Variants in ERBB4 observed in about 807,000 individuals in gnomAD.
ERBB4 encodes the protein receptor tyrosine-protein kinase erbB-4.
Under a neutral mutation model 158.0 loss-of-function variants are expected in ERBB4, and 42 were observed. The ratio of observed to expected loss-of-function variants is 0.27; its 90% confidence interval spans 0.21 to 0.34. ERBB4 has a LOEUF of 0.34. Ranked by LOEUF, ERBB4 falls within the 10% of genes least tolerant of loss-of-function variation. The probability of loss-of-function intolerance (pLI) is 1.00; values close to 1 mark genes in which losing one functional copy is unlikely to be tolerated. For missense variants in ERBB4, 1,333 were observed against 1,624.1 expected (o/e 0.82, Z 3.08); for synonymous variants, 583 against 558.7 (o/e 1.04, Z -0.61).
intron 11 of ERBB4, among the ~76,000 whole-genome samples, chr2:211,702,827 ACT>A (rs1559435689): frequency 6.6e-6 from 1 of 152,126 alleles, no homozygotes; most frequent in Non-Finnish European, 1.5e-5. Context: ...CACATCATGC[ACT>A]CCATACTTGC....
At position 211,396,380 on chromosome 2, in the gene ERBB4, T is replaced by TA. The variant is rs373379597; in HGVS notation, c.3136-8389dup. ...TTATCAACAAATGAGTGATGTTCAC[T>TA]AAAAAAAAACCATGTATAAGAGTTC... On this transcript the variant is annotated intron_variant, in intron 25 of 27. Coordinates refer to ENST00000342788, the MANE Select transcript of ERBB4 (RefSeq NM_005235.3). Among the ~76,000 whole-genome samples, 239 of 151,178 alleles carry TA rather than the reference T, an allele frequency of 1.6e-3. 1 individual carries two copies. Among genetic ancestry groups the TA allele is most frequent in the African/African-American group, 4.9e-3 (202 of 41,274 alleles).
rs1003464899 is a variant in ERBB4, at chr2:212,436,023, A to G, written c.82+102426T>C. The stretch of plus-strand genomic sequence containing the variant: ...CCTCAATGAATAGAAAATTCAGTAC[A>G]TGGCCCAAGACAACAGAGTAATTAT... On this transcript the variant is annotated intron_variant, in intron 1 of 27. Transcript: ENST00000342788. Among the ~76,000 whole-genome samples the G allele has an allele frequency of 4.6e-5, 7 of 152,084 alleles. No individual in the cohort carries two copies. The East Asian group carries it at 1.2e-3, about 25-fold the overall frequency.
At chr2:211,713,943 T>C (rs1345670878) in intron 7 of ERBB4, among the ~76,000 whole-genome samples, 2 of 152,172 alleles carry the variant, frequency 1.3e-5, no homozygotes, top group Non-Finnish European at 2.9e-5. Flanking sequence ...ACATTTAGCT[T>C]GTGTGTGTCA....
chr2:212,469,449 G>A (rs1013477168), intron 1 of ERBB4, among the ~76,000 whole-genome samples: 1 of 152,074 alleles, frequency 6.6e-6, no homozygotes, highest in Non-Finnish European at 1.5e-5. Context: ...TGATAATGAT[G>A]CATCTGCTAC....
intron 12 of ERBB4, among the ~76,000 whole-genome samples, chr2:211,685,346 A>G (rs1161015076): frequency 6.6e-6 from 1 of 152,162 alleles, no homozygotes; most frequent in Non-Finnish European, 1.5e-5. Context: ...TATTTGCTCT[A>G]TAGATGTTCA....
chr2:211,913,140 TG>T (rs1438678530), intron 3 of ERBB4, among the ~76,000 whole-genome samples: 4 of 152,184 alleles, frequency 2.6e-5, no homozygotes, highest in African/African-American at 9.6e-5. Flanking sequence ...TTAATCAATC[TG>T]CCTCTTGTCA....
At chr2:211,933,835 A>C (rs2080240152) in intron 3 of ERBB4, among the ~76,000 whole-genome samples, 1 of 152,044 alleles carries the variant, frequency 6.6e-6, no homozygotes, top group South Asian at 2.1e-4. Flanking sequence ...ATAGAAGAAT[A>C]GATTAAGAGA....
intron 20 of ERBB4, among the ~76,000 whole-genome samples, chr2:211,515,912 A>ATTTTTT (rs1553555083): frequency 1.1e-4 from 9 of 78,978 alleles, no homozygotes; most frequent in African/African-American, 2.3e-4. Flanking sequence ...ATATATATAT[A>ATTTTTT]TTTTTTTTTT....
At position 211,887,253 on chromosome 2, in the gene ERBB4, TACAC is replaced by T. The variant is rs112197898; in HGVS notation, c.421+60173_421+60176del. On this transcript the variant is annotated intron_variant, in intron 3 of 27. Coordinates refer to ENST00000342788, the MANE Select transcript of ERBB4 (RefSeq NM_005235.3). Reference sequence around the variant, plus strand: ...ACAGAGTTGAAAGATAACAGAGGATTACACACACACACACACACACACACACAGG... The same window carrying T: ...ACAGAGTTGAAAGATAACAGAGGATTACACACACACACACACACACACAGG... Among the ~76,000 whole-genome samples the T allele has an allele frequency of 3.6e-3, 526 of 145,368 alleles. 4 individuals are homozygous for T. Among genetic ancestry groups the T allele is most frequent in the African/African-American group, 0.012 (471 of 39,820 alleles).
Position 211,822,604 on chromosome 2 carries a change from A to G in ERBB4, c.422-34445T>C, listed in dbSNP as rs183924965. 3.3e-5 allele frequency among the ~76,000 whole-genome samples: 5 copies of G among 152,172 alleles called. No individual in the cohort carries two copies. The East Asian group carries it at 5.8e-4, about 18-fold the overall frequency. ...CCATAGAAAGAAAATTACATGCACA[A>G]GGATGTACACTGCTGTATTACATAA... On this transcript the variant is annotated intron_variant, in intron 3 of 27. Transcript: ENST00000342788.
chr2:212,161,224 C>A (rs1379700416), intron 1 of ERBB4, among the ~76,000 whole-genome samples: 1 of 151,932 alleles, frequency 6.6e-6, no homozygotes, highest in Admixed American at 6.6e-5. Flanking sequence ...CTCTTTCACT[C>A]ATCTATCCTC....
In ERBB4 at chr2:211,630,449, A is replaced by G; in HGVS notation, c.2079+13T>C. 6.2e-7 allele frequency: 1 copy of G among 1,613,016 alleles called. No individual in the cohort carries two copies. The highest frequency in any genetic ancestry group is 1.1e-5 in the South Asian group (1 of 91,054). On this transcript the variant is annotated intron_variant, in intron 17 of 27. Transcript: ENST00000342788. ...ATCCCCAAACACATGAAGAGGAGAA[A>G]GAAATACCTCACCTCTGTTTCCAAG...
At chr2:212,119,405 T>G (rs1286296279) in intron 2 of ERBB4, among the ~76,000 whole-genome samples, 1 of 152,110 alleles carries the variant, frequency 6.6e-6, no homozygotes, top group Admixed American at 6.5e-5. Context: ...AGTTATTAAG[T>G]GCCAGCAGTA....
At chr2:211,777,432 T>C (rs1412406203) in intron 4 of ERBB4, 1 of 152,150 alleles carries the variant, frequency 6.6e-6, no homozygotes, top group African/African-American at 2.4e-5. Flanking sequence ...CCACTCTAAA[T>C]CTGATTATTT....
rs1246309149 is a variant in ERBB4 at position 211,812,057 on chromosome 2, T to G, written c.422-23898A>C. Among the ~76,000 whole-genome samples, 3 of 152,214 alleles carry G rather than the reference T, an allele frequency of 2.0e-5. No individual in the cohort carries two copies. In the East Asian group the frequency reaches 5.8e-4, roughly 29 times the overall value. ...TCGTCAAAGTTATTCTCTGTCCAGCTTTGTTCTGTTGCTGGTGAGGAGCTG... is the reference window on the plus strand; with the variant it reads ...TCGTCAAAGTTATTCTCTGTCCAGCGTTGTTCTGTTGCTGGTGAGGAGCTG... On this transcript the variant is annotated intron_variant, in intron 3 of 27. Coordinates refer to ENST00000342788, the MANE Select transcript of ERBB4 (RefSeq NM_005235.3).
At chr2:211,428,849 C>CG (rs1285481552) in intron 21 of ERBB4, among the ~76,000 whole-genome samples, 5 of 151,834 alleles carry the variant, frequency 3.3e-5, no homozygotes, top group Non-Finnish European at 7.4e-5. Context: ...TCTGAGTAGC[C>CG]GGGACCACAG....
intron 1 of ERBB4, among the ~76,000 whole-genome samples, chr2:212,293,847 C>CAAAAAAAAA (rs1201724620): frequency 3.1e-5 from 2 of 63,778 alleles, no homozygotes; most frequent in Non-Finnish European, 5.0e-5. Context: ...GACTCTGTCT[C>CAAAAAAAAA]AAAAAAAAAA....
intron 22 of ERBB4, among the ~76,000 whole-genome samples, chr2:211,426,445 C>T (rs113956404): frequency 2.2e-4 from 33 of 152,242 alleles, no homozygotes; most frequent in African/African-American, 7.7e-4. Context: ...TGATATATCA[C>T]AACATTTTTT....
chr2:211,951,825 T>C (rs1181661391), intron 2 of ERBB4, among the ~76,000 whole-genome samples: 2 of 152,124 alleles, frequency 1.3e-5, no homozygotes, highest in African/African-American at 4.8e-5. Context: ...AAATATCCTT[T>C]TCTTATGTGA....
Sources: allele counts gnomAD v4.1 joint callset (sites outside exome capture counted in the v4.1 genomes callset), GRCh38; gene constraint gnomAD v4.1.1; transcripts MANE v1.5; gene names NCBI Gene and HGNC (gene_info 2026-07-23, HGNC 2026-07-21).